PCDHGA11: variants seen among roughly 807,000 people sequenced by gnomAD.
PCDHGA11 encodes protocadherin gamma subfamily A, 11.
Under a neutral mutation model 60.4 loss-of-function variants are expected in PCDHGA11, and 39 were observed. The observed-to-expected ratio is 0.65, with a 90% CI of 0.50 to 0.84. PCDHGA11 has a LOEUF of 0.84. PCDHGA11 is among the 40% of genes least tolerant of loss of function. PCDHGA11 has a pLI of 0.00. For missense variants in PCDHGA11, 1,165 were observed against 1,197.7 expected (o/e 0.97, Z 0.40); for synonymous variants, 533 against 510.3 (o/e 1.04, Z -0.60).
At chr5:141,505,259 C>T in intron 2 of PCDHGA11, 134 bp from the exon 3 acceptor site, 2 of 1,500,262 alleles carry the variant, frequency 1.3e-6, no homozygotes, top group Admixed American at 2.0e-5. Flanking sequence ...GTGCCTCCTA[C>T]CTTGCTGAGA....
chr5:141,501,636 C>T (rs2099810310), intron 2 of PCDHGA11, among the ~76,000 whole-genome samples: 1 of 152,130 alleles, frequency 6.6e-6, no homozygotes, highest in South Asian at 2.1e-4. Flanking sequence ...CTCAACCTCT[C>T]TGAGCCCTGT....
chr5:141,473,700 C>G (rs1474416849), intron 1 of PCDHGA11, among the ~76,000 whole-genome samples: 1 of 152,148 alleles, frequency 6.6e-6, no homozygotes, highest in Non-Finnish European at 1.5e-5. Context: ...GACCACCCTC[C>G]AAGTGGTGCA....
At position 141,433,030 on chromosome 5, in the gene PCDHGA11, T is replaced by C. The variant is rs116611363; in HGVS notation, c.2433+9370T>C. ...TCCTGCAGACCTATTCCCACGAGGTTTCCCTCACCACGGACTCGCGGAAGA... is the reference window on the plus strand; with the variant it reads ...TCCTGCAGACCTATTCCCACGAGGTCTCCCTCACCACGGACTCGCGGAAGA... On this transcript the variant is annotated intron_variant, in intron 1 of 3. Transcript: ENST00000398587. 10,352 of 1,614,096 alleles carry C rather than the reference T, an allele frequency of 6.4e-3. 43 individuals are homozygous for C. The highest frequency in any genetic ancestry group is 8.6e-3 in the Middle Eastern group (52 of 6,062).
chr5:141,505,342 T>C (rs2099845433), intron 2 of PCDHGA11, 51 bp from the exon 3 acceptor site: 1 of 1,612,738 alleles, frequency 6.2e-7, no homozygotes, highest in African/African-American at 1.3e-5. Flanking sequence ...AGGAGGGGCA[T>C]GAGCTGTGCC....
In PCDHGA11 at chr5:141,511,286, G is replaced by A. The variant is rs1231704933; in HGVS notation, c.*113G>A. On this transcript the variant is annotated 3_prime_UTR_variant, in exon 4 of 4. Coordinates refer to ENST00000398587, the MANE Select transcript of PCDHGA11 (RefSeq NM_018914.3). The stretch of plus-strand genomic sequence containing the variant: ...GGCTAACCCCCAGAATACTGGTAGG[G>A]GCCAAGGCCATGCTCCCCTTGGGAA... 2 of 1,520,242 alleles carry A rather than the reference G, an allele frequency of 1.3e-6. No individual in the cohort carries two copies. The allele number at this position is 1,520,242 out of a possible 1,614,324, so 94.2% of individuals were successfully genotyped here.
Position 141,422,911 on chromosome 5 carries a change from G to A in PCDHGA11, c.1684G>A (p.Glu562Lys), listed in dbSNP as rs375046528. The A allele has an allele frequency of 3.1e-6, 5 of 1,614,118 alleles. No homozygotes were observed. The highest frequency in any genetic ancestry group is 2.7e-5 in the African/African-American group (2 of 74,944). ...FVLDQNDNAP[E>K]ILYPALPTDG... Reference sequence around the variant, plus strand: ...GCTGGACCAGAACGACAATGCGCCCGAGATCCTGTACCCTGCCCTCCCCAC... The same window carrying A: ...GCTGGACCAGAACGACAATGCGCCCAAGATCCTGTACCCTGCCCTCCCCAC... The change falls in exon 1 of 4, where the codon GAG (glutamate) becomes AAG (lysine). Residue 562 changes from glutamate (E) to lysine (K), a missense_variant. By Grantham distance (56) the Glu-to-Lys change is moderately conservative (BLOSUM62 1). Coordinates refer to ENST00000398587, the MANE Select transcript of PCDHGA11 (RefSeq NM_018914.3).
At position 141,477,271 on chromosome 5, in the gene PCDHGA11, G is replaced by T; in HGVS notation, c.2434-17536G>T. On this transcript the variant is annotated intron_variant, in intron 1 of 3. Transcript: ENST00000398587. The surrounding 1 kb of genome is among the most constrained non-coding windows in gnomAD (Gnocchi z 4.9). ...CTGACCTGGATGCTGGCGAGAACGG[G>T]CTGGTGACCTGCGAAGTTCCACCGG... The T allele has an allele frequency of 1.2e-6, 2 of 1,614,212 alleles. No homozygotes were observed. The highest frequency in any genetic ancestry group is 1.7e-6 in the Non-Finnish European group (2 of 1,180,044).
At chr5:141,452,528 A>T (rs1592223895) in intron 1 of PCDHGA11, among the ~76,000 whole-genome samples, 1 of 152,206 alleles carries the variant, frequency 6.6e-6, no homozygotes, top group African/African-American at 2.4e-5. Flanking sequence ...CAAAATCGTG[A>T]GTTCATATTG....
intron 1 of PCDHGA11, chr5:141,427,524 C>T (rs1421119651): frequency 1.6e-6 from 1 of 610,726 alleles, no homozygotes; most frequent in South Asian, 1.5e-5. Flanking sequence ...GGAGCGGATC[C>T]CGGAGTACAA....
chr5:141,504,287 T>C (rs1191226511), intron 2 of PCDHGA11, among the ~76,000 whole-genome samples: 2 of 152,166 alleles, frequency 1.3e-5, no homozygotes, highest in Non-Finnish European at 2.9e-5. Flanking sequence ...AATCATTTCA[T>C]GTTTTTTCAA....
Position 141,477,312 on chromosome 5 carries a change from TTACTTC to T in PCDHGA11, c.2434-17493_2434-17488del, listed in dbSNP as rs773034406. Reference sequence around the variant, plus strand: ...GTTCCACCGGGTCTCCCTTTCAGCCTTACTTCTTCCCTCAAGAATTACTTCACTTTG... The same window carrying T: ...GTTCCACCGGGTCTCCCTTTCAGCCTTTCCCTCAAGAATTACTTCACTTTG... On this transcript the variant is annotated intron_variant, in intron 1 of 3. Coordinates refer to ENST00000398587, the MANE Select transcript of PCDHGA11 (RefSeq NM_018914.3). The surrounding 1 kb of genome is among the most constrained non-coding windows in gnomAD (Gnocchi z 4.9). The T allele has an allele frequency of 2.5e-6, 4 of 1,614,162 alleles. No homozygotes were observed. Among genetic ancestry groups the T allele is most frequent in the Non-Finnish European group, 3.4e-6 (4 of 1,180,032 alleles).
chr5:141,470,658 G>T lies in PCDHGA11; in HGVS notation c.2434-24149G>T, dbSNP rs527415532. Among the ~76,000 whole-genome samples the T allele has an allele frequency of 4.7e-3, 721 of 152,024 alleles. 9 individuals carry two copies. The highest frequency in any genetic ancestry group is 6.7e-3 in the Non-Finnish European group (452 of 67,944). On this transcript the variant is annotated intron_variant, in intron 1 of 3. Transcript: ENST00000398587. ...CTTGCTTTGAAGGCCCCTACCCTTT[G>T]GTTAGGGCTCTGCTGTTACCATCTT... is the stretch of plus-strand genomic sequence containing the variant.
chr5:141,494,792 C>A lies in PCDHGA11; in HGVS notation c.2434-15C>A. The A allele has an allele frequency of 6.2e-7, 1 of 1,614,132 alleles. No individual in the cohort carries two copies. Among genetic ancestry groups the A allele is most frequent in the East Asian group, 2.2e-5 (1 of 44,878 alleles). Reference sequence around the variant, plus strand: ...TCACGGGTACTCAGCCCCTTTCCCTCTGTTTTCTCCACAGCAAGCCCCGCC... The same window carrying A: ...TCACGGGTACTCAGCCCCTTTCCCTATGTTTTCTCCACAGCAAGCCCCGCC... On this transcript the variant is annotated splice_polypyrimidine_tract_variant and intron_variant, in intron 1 of 3. Transcript: ENST00000398587.
At chr5:141,428,290 C>G in intron 1 of PCDHGA11, 2 of 726,802 alleles carry the variant, frequency 2.8e-6, no homozygotes, top group Non-Finnish European at 4.8e-6. Context: ...CCAAGCAAAG[C>G]TGCAGATTTA....
In PCDHGA11 at chr5:141,461,259, T is replaced by C. The variant is rs114101293; in HGVS notation, c.2434-33548T>C. Among the ~76,000 whole-genome samples the C allele has an allele frequency of 4.2e-3, 640 of 152,290 alleles. 5 individuals are homozygous for C. The highest frequency in any genetic ancestry group is 0.015 in the African/African-American group (623 of 41,554). On this transcript the variant is annotated intron_variant, in intron 1 of 3. Coordinates refer to ENST00000398587, the MANE Select transcript of PCDHGA11 (RefSeq NM_018914.3). ...TACTAATTTATATTCCCAGCAGCAA[T>C]GTGTAAGTGTTCTCTTTTCCCCACA...
intron 1 of PCDHGA11, among the ~76,000 whole-genome samples, chr5:141,464,630 T>C (rs981288560): frequency 1.3e-5 from 2 of 152,176 alleles, no homozygotes; most frequent in African/African-American, 4.8e-5. Context: ...AGCTTTTTAA[T>C]TGTTGCCAAC....
rs1001719735 is a variant in PCDHGA11 at position 141,512,055 on chromosome 5, TGAC to T, written c.*883_*885del. 10 of 152,698 alleles carry T rather than the reference TGAC, an allele frequency of 6.5e-5. No homozygotes were observed. The highest frequency in any genetic ancestry group is 1.4e-4 in the African/African-American group (6 of 41,450). 9.5% of individuals were successfully genotyped at this position (152,698 alleles called of 1,614,324 possible). On this transcript the variant is annotated 3_prime_UTR_variant, in exon 4 of 4. Coordinates refer to ENST00000398587, the MANE Select transcript of PCDHGA11 (RefSeq NM_018914.3). ...GAGGCTCTGTATGTCCTCAGGGGACTGACAACATCCTCCAGATTCCAGCCATAA... is the reference window on the plus strand; with the variant it reads ...GAGGCTCTGTATGTCCTCAGGGGACTAACATCCTCCAGATTCCAGCCATAA...
chr5:141,438,392 ATTAAC>A (rs1296512476), intron 1 of PCDHGA11, among the ~76,000 whole-genome samples: 3 of 151,714 alleles, frequency 2.0e-5, no homozygotes, highest in African/African-American at 7.3e-5. Context: ...TTAGTTCATC[ATTAAC>A]TCTCTGAAGT....
chr5:141,500,277 C>T (rs1595660442), intron 2 of PCDHGA11, among the ~76,000 whole-genome samples: 1 of 151,718 alleles, frequency 6.6e-6, no homozygotes, highest in Non-Finnish European at 1.5e-5. Context: ...GGCGCAATCT[C>T]GGCTCACTGC....
Sources: allele counts gnomAD v4.1 joint callset (sites outside exome capture counted in the v4.1 genomes callset), GRCh38; gene constraint gnomAD v4.1.1; non-coding constraint Gnocchi (gnomAD v3.1); transcripts MANE v1.5; gene names NCBI Gene and HGNC (gene_info 2026-07-23, HGNC 2026-07-21).